GAB1: variants seen among roughly 807,000 people sequenced by gnomAD.
GAB1 encodes GRB2-associated-binding protein 1.
A neutral mutation model predicts 66.5 loss-of-function variants in GAB1; 19 were observed. The ratio of observed to expected loss-of-function variants is 0.29; its 90% confidence interval spans 0.20 to 0.42. The LOEUF (loss-of-function observed/expected upper bound fraction) is 0.42, where lower values mean the gene tolerates loss of function less well. Ranked by LOEUF, GAB1 falls within the 10% of genes least tolerant of loss-of-function variation. The probability of loss-of-function intolerance (pLI) is 1.00; values close to 1 mark genes in which losing one functional copy is unlikely to be tolerated. For synonymous variants in GAB1, 294 were observed against 301.4 expected (o/e 0.98, Z 0.25); for missense variants, 732 against 858.5 (o/e 0.85, Z 1.84).
At chr4:143,380,100 T>C (rs1167604810) in intron 1 of GAB1, among the ~76,000 whole-genome samples, 1 of 151,092 alleles carries the variant, frequency 6.6e-6, no homozygotes, top group African/African-American at 2.4e-5. Context: ...TAAGAGATCA[T>C]TTAAATCGTG....
chr4:143,368,779 A>G lies in GAB1; in HGVS notation c.72+31519A>G, dbSNP rs138147128. Among the ~76,000 whole-genome samples, 223 of 152,338 alleles carry G rather than the reference A, an allele frequency of 1.5e-3. 3 individuals carry two copies. The highest frequency in any genetic ancestry group is 4.8e-3 in the African/African-American group (200 of 41,570). ...AGAAATACTTGGTGCTTTCTGTGAC[A>G]GCAGGCCATATAAAGAAATACGAAC... On this transcript the variant is annotated intron_variant, in intron 1 of 9. Coordinates refer to ENST00000262994, the MANE Select transcript of GAB1 (RefSeq NM_002039.4).
chr4:143,373,044 A>C (rs28454559), intron 1 of GAB1, among the ~76,000 whole-genome samples: 99 of 148,262 alleles, frequency 6.7e-4, no homozygotes, highest in Middle Eastern at 3.5e-3. Flanking sequence ...TTCCTTTAAA[A>C]ACACACACAC....
chr4:143,404,850 A>G (rs1731959896), intron 1 of GAB1, among the ~76,000 whole-genome samples: 1 of 152,240 alleles, frequency 6.6e-6, no homozygotes, highest in South Asian at 2.1e-4. Flanking sequence ...CCTCAGTTGC[A>G]TCAGCCACTT....
Position 143,338,870 on chromosome 4 carries a change from A to G in GAB1, c.72+1610A>G, listed in dbSNP as rs906105900. ...AACGTGAAAGTGATAATATAGGTTT[A>G]ATTCATTCTTTCACATGGTTAGTTC... On this transcript the variant is annotated intron_variant, in intron 1 of 9. Transcript: ENST00000262994. Among the ~76,000 whole-genome samples the G allele has an allele frequency of 1.6e-4, 24 of 152,198 alleles. 1 individual carries two copies. Among genetic ancestry groups the G allele is most frequent in the Admixed American group, 1.5e-3 (23 of 15,280 alleles).
At chr4:143,446,830 T>G (rs1433543689) in intron 6 of GAB1, among the ~76,000 whole-genome samples, 1 of 150,722 alleles carries the variant, frequency 6.6e-6, no homozygotes, top group Non-Finnish European at 1.5e-5. Flanking sequence ...TGGCTTTTGT[T>G]GCCATTGCTT....
intron 2 of GAB1, among the ~76,000 whole-genome samples, chr4:143,420,759 T>A (rs1732968304): frequency 6.6e-6 from 1 of 152,018 alleles, no homozygotes; most frequent in African/African-American, 2.4e-5. Context: ...CAGATCATAG[T>A]GGCTTAATAA....
chr4:143,354,077 T>C (rs994164147), intron 1 of GAB1, among the ~76,000 whole-genome samples: 1 of 152,210 alleles, frequency 6.6e-6, no homozygotes, highest in African/African-American at 2.4e-5. Flanking sequence ...TGTATGCTGG[T>C]GGAGACCCAA....
At chr4:143,447,417 C>G (rs1040415878) in intron 6 of GAB1, among the ~76,000 whole-genome samples, 6 of 152,166 alleles carry the variant, frequency 3.9e-5, no homozygotes, top group African/African-American at 1.4e-4. Context: ...TTGATTCTTC[C>G]TACCGATGAG....
chr4:143,396,221 G>A (rs1731446700), intron 1 of GAB1, among the ~76,000 whole-genome samples: 1 of 152,204 alleles, frequency 6.6e-6, no homozygotes, highest in Non-Finnish European at 1.5e-5. Context: ...CCCTACTTGG[G>A]ACCTTAAGGA....
At chr4:143,373,044 AACACAC>A (rs36205621) in intron 1 of GAB1, among the ~76,000 whole-genome samples, 41,289 of 148,166 alleles carry the variant, frequency 0.28, 5,966 homozygotes, top group South Asian at 0.45. Flanking sequence ...TTCCTTTAAA[AACACAC>A]ACACACACAC....
At position 143,353,596 on chromosome 4, in the gene GAB1, AT is replaced by A. The variant is rs34049717; in HGVS notation, c.72+16348del. Among the ~76,000 whole-genome samples, 1,013 of 143,428 alleles carry A rather than the reference AT, an allele frequency of 7.1e-3. 6 individuals carry two copies. The highest frequency in any genetic ancestry group is 0.021 in the African/African-American group (808 of 38,922). 94.1% of individuals were successfully genotyped at this position (143,428 alleles called of 152,430 possible). ...ACTCTGCTACTAGACAGCTATTCTTATTTTTTTTTTTTGACATATTATTTCC... is the reference window on the plus strand; with the variant it reads ...ACTCTGCTACTAGACAGCTATTCTTATTTTTTTTTTTGACATATTATTTCC... On this transcript the variant is annotated intron_variant, in intron 1 of 9. Transcript: ENST00000262994.
Position 143,433,662 on chromosome 4 carries a change from C to A in GAB1, c.539C>A (p.Pro180His). ...GAAACTCTTGGCATTCAGGAGGATC[C>A]TCAAGACTACCTGTTGCTCATCAAC... ...HLETLGIQED[P>H]QDYLLLINCQ... Residue 180 changes from proline to histidine, a missense_variant, in exon 3 of 10, where the codon CCT (proline) becomes CAT (histidine). By Grantham distance (77) the Pro-to-His change is moderately conservative. Coordinates refer to ENST00000262994, the MANE Select transcript of GAB1 (RefSeq NM_002039.4). 6.2e-7 allele frequency: 1 copy of A among 1,614,006 alleles called. No individual in the cohort carries two copies. Among genetic ancestry groups the A allele is most frequent in the South Asian group, 1.1e-5 (1 of 91,086 alleles).
intron 1 of GAB1, among the ~76,000 whole-genome samples, chr4:143,409,744 T>C (rs1041017067): frequency 3.9e-5 from 6 of 152,154 alleles, no homozygotes; most frequent in Admixed American, 3.9e-4. Flanking sequence ...GTTTGAAAGA[T>C]ATTTGCTAGT....
chr4:143,346,729 T>C (rs1729004638), intron 1 of GAB1, among the ~76,000 whole-genome samples: 1 of 152,214 alleles, frequency 6.6e-6, no homozygotes, highest in East Asian at 1.9e-4. Flanking sequence ...TCTTGACAGT[T>C]TCAGGTTTAA....
chr4:143,405,225 A>T (rs918207674), intron 1 of GAB1, among the ~76,000 whole-genome samples: 2 of 151,892 alleles, frequency 1.3e-5, no homozygotes, highest in African/African-American at 4.9e-5. Flanking sequence ...AAATGTATGG[A>T]TATATAGAGA....
intron 3 of GAB1, among the ~76,000 whole-genome samples, chr4:143,435,650 A>G (rs1733903660): frequency 1.3e-5 from 2 of 152,208 alleles, no homozygotes; most frequent in Admixed American, 6.5e-5. Flanking sequence ...TATGTGCCCA[A>G]TATTATGCTA....
chr4:143,464,246 T>A (rs1012418204), intron 8 of GAB1, among the ~76,000 whole-genome samples: 11 of 152,326 alleles, frequency 7.2e-5, no homozygotes, highest in East Asian at 3.9e-4. Context: ...TTTTAATTTT[T>A]TCAGACAGAG....
chr4:143,405,397 T>C lies in GAB1; in HGVS notation c.73-10080T>C, dbSNP rs890065636. Among the ~76,000 whole-genome samples, 7 of 152,312 alleles carry C rather than the reference T, an allele frequency of 4.6e-5. No individual in the cohort carries two copies. In the Middle Eastern group the frequency reaches 0.014, roughly 296 times the overall value. On this transcript the variant is annotated intron_variant, in intron 1 of 9. Transcript: ENST00000262994. ...AGTCCCAGGGTTCATAATTGACTTA[T>C]TCCCTGATTAAGTTAGTTTCACTTT...
At chr4:143,412,891 C>CTTTTAAATATA (rs1732471722) in intron 1 of GAB1, among the ~76,000 whole-genome samples, 1 of 152,098 alleles carries the variant, frequency 6.6e-6, no homozygotes, top group Non-Finnish European at 1.5e-5. Context: ...ATGAACTATA[C>CTTTTAAATATA]AAGCATAGCA....
Sources: gnomAD v4.1 joint callset for allele counts (sites outside exome capture counted in the v4.1 genomes callset) on GRCh38, gnomAD v4.1.1 for gene constraint, MANE v1.5 for transcripts, NCBI Gene and HGNC (gene_info 2026-07-23, HGNC 2026-07-21) for gene names.